The following ZNF836 variants were observed in gnomAD, a reference collection of about 807,000 sequenced individuals.
ZNF836 encodes the protein zinc finger protein 836.
A neutral mutation model predicts 7.4 loss-of-function variants in ZNF836; 12 were observed. The observed-to-expected ratio is 1.61, with a 90% confidence interval of 1.03 to 2.61. ZNF836 has a LOEUF of 2.61. Among genes scored for constraint, ZNF836 ranks in the 30% most tolerant of loss-of-function variants. ZNF836 has a pLI of 0.00. For missense variants in ZNF836, 998 were observed against 1,126.2 expected, an observed-to-expected ratio of 0.89 and a Z score of 1.63; for synonymous variants, 365 against 382.6, an observed-to-expected ratio of 0.95 and a Z score of 0.54.
chr19:52,157,495 T>C lies in ZNF836; in HGVS notation c.188A>G (p.Asn63Ser). The C allele has an allele frequency of 1.9e-6, 3 of 1,567,488 alleles. No homozygotes were observed. Among genetic ancestry groups the C allele is most frequent in the Non-Finnish European group, 2.6e-6 (3 of 1,162,356 alleles). The change falls in exon 5 of 5, where the codon AAC becomes AGC. Residue 63 changes from asparagine to serine, a missense_variant. Transcript: ENST00000682614. ...CMTKELPPIG[N>S]SNTGEKCQTV... Reference sequence around the variant, plus strand: ...TTGGCATTTTTCTCCTGTATTACTGTTCCCTATTGGTGGTAATTCCTTGGT... The same window carrying C: ...TTGGCATTTTTCTCCTGTATTACTGCTCCCTATTGGTGGTAATTCCTTGGT...
rs933329843 is a variant in ZNF836 at position 52,155,934 on chromosome 19, T to C, written c.1749A>G (p.Gln583=). ...KRIHTGEKPF[Q]CNECGTVFRN... ...TGAAGACTGTGCCACATTCATTACA[T>C]TGGAAAGGTTTCTCTCCCGTATGTA... Residue 583 remains glutamine, a synonymous_variant, in exon 5 of 5, where the codon CAA becomes CAG. Coordinates refer to ENST00000682614, the MANE Select transcript of ZNF836 (RefSeq NM_001102657.3). 6.1e-5 allele frequency: 98 copies of C among 1,613,906 alleles called. No individual in the cohort carries two copies. In the East Asian group the frequency reaches 2.1e-3, roughly 34 times the overall value.
In ZNF836 at chr19:52,154,746, T is replaced by G; in HGVS notation, c.*126A>C. 1.2e-5 allele frequency: 10 copies of G among 855,722 alleles called. No individual in the cohort carries two copies. Among genetic ancestry groups the G allele is most frequent in the African/African-American group, 1.7e-5 (1 of 58,642 alleles). The allele number at this position is 855,722 out of a possible 1,614,324, so 53.0% of individuals were successfully genotyped here. ...AAAGCGGGTGGTGCTAAACCATTCT[T>G]GAGAAATCCACCCCTGTGATCCAAT... On this transcript the variant is annotated 3_prime_UTR_variant, in exon 5 of 5. Transcript: ENST00000682614.
rs2089203569 is a variant in ZNF836 at position 52,160,498 on chromosome 19, T to C, written c.109A>G (p.Met37Val). ...ACCAGGTTCCTGTAGTTCTCCAACA[T>C]CACATCCCAGTACAAAGCTTTCTGC... Reference protein sequence around the residue: ...PVQKALYWDVMLENYRNLVFL... With the variant: ...PVQKALYWDVVLENYRNLVFL... Residue 37 changes from methionine to valine, a missense_variant, in exon 4 of 5, where the codon ATG (methionine) becomes GTG (valine). By Grantham distance (21) the Met-to-Val change is conservative. Transcript: ENST00000682614. 1 of 1,614,162 alleles carries C rather than the reference T, an allele frequency of 6.2e-7. No homozygotes were observed. Among genetic ancestry groups the C allele is most frequent in the African/African-American group, 1.3e-5 (1 of 75,058 alleles).
At chr19:52,157,897 TA>T (rs1418377457) in intron 4 of ZNF836, among the ~76,000 whole-genome samples, 2 of 151,984 alleles carry the variant, frequency 1.3e-5, no homozygotes, top group Non-Finnish European at 2.9e-5. Flanking sequence ...TAACTAGTAT[TA>T]TTTGTTTTTT....
Position 52,155,753 on chromosome 19 carries a change from C to T in ZNF836, c.1930G>A (p.Gly644Ser), listed in dbSNP as rs116128824. 54 of 1,614,120 alleles carry T rather than the reference C, an allele frequency of 3.3e-5. No homozygotes were observed. Among genetic ancestry groups the T allele is most frequent in the East Asian group, 6.7e-5 (3 of 44,882 alleles). The change falls in exon 5 of 5, where the codon GGC becomes AGC. Residue 644 changes from glycine to serine, a missense_variant. Coordinates refer to ENST00000682614, the MANE Select transcript of ZNF836 (RefSeq NM_001102657.3). ...GEKPFQCNEC[G>S]KVFSYYSCLA... ...CATGAGTAGTAACTGAAAACCTTGC[C>T]GCATTCGTTACATTGAAACGGCTTC...
intron 3 of ZNF836, 148 bp downstream of exon 3, chr19:52,167,910 G>A: frequency 1.5e-6 from 1 of 683,682 alleles, no homozygotes; most frequent in South Asian, 1.8e-5. Context: ...GAAGCTAAAT[G>A]AGATGAGAGA....
intron 4 of ZNF836, 33 bp from the exon 5 acceptor site, chr19:52,157,573 G>A (rs61641512): frequency 0.096 from 137,628 of 1,435,230 alleles, 8,550 homozygotes; most frequent in South Asian, 0.28. Flanking sequence ...GAGTTTTTTC[G>A]TTGGTTTTTT....
At position 52,161,977 on chromosome 19, in the gene ZNF836, G is replaced by A. The variant is rs1300146877; in HGVS notation, c.16-1386C>T. Among the ~76,000 whole-genome samples the A allele has an allele frequency of 1.3e-5, 2 of 152,198 alleles. No homozygotes were observed. The highest frequency in any genetic ancestry group is 4.8e-5 in the African/African-American group (2 of 41,456). ...AAAAGGGAGAAACAGGAAAGAAGGG[G>A]TAGCTGTTCCCATGTAAGGCTGAAA... On this transcript the variant is annotated intron_variant, in intron 3 of 4. Transcript: ENST00000682614. This position sits in a 1 kb window ranked among gnomAD's most constrained non-coding sequence, Gnocchi z 4.1.
At chr19:52,167,287 C>T (rs1410716828) in intron 3 of ZNF836, among the ~76,000 whole-genome samples, 1 of 151,658 alleles carries the variant, frequency 6.6e-6, no homozygotes, top group Non-Finnish European at 1.5e-5. Flanking sequence ...GCCTGACCAA[C>T]ATGGTGAAAC....
At chr19:52,163,750 T>C (rs911587033) in intron 3 of ZNF836, among the ~76,000 whole-genome samples, 1 of 152,052 alleles carries the variant, frequency 6.6e-6, no homozygotes, top group Non-Finnish European at 1.5e-5. Context: ...CATAAACCAG[T>C]GTGTGCAGTA....
At chr19:52,162,235 T>G (rs1030647625) in intron 3 of ZNF836, among the ~76,000 whole-genome samples, 3 of 152,112 alleles carry the variant, frequency 2.0e-5, no homozygotes. Flanking sequence ...GTGGCCCTGC[T>G]CCCAGGGCTT....
intron 3 of ZNF836, 182 bp from the exon 4 acceptor site, chr19:52,160,773 T>A (rs2089206724): frequency 3.1e-6 from 2 of 649,776 alleles, no homozygotes; most frequent in Non-Finnish European, 2.5e-6. Context: ...TAGAAGATTA[T>A]GATATCCCGT....
rs370077053 is a variant in ZNF836 at position 52,160,538 on chromosome 19, T to C, written c.69A>G (p.Lys23=). Residue 23 remains lysine (K), a synonymous_variant, in exon 4 of 5, where the codon AAA becomes AAG. Coordinates refer to ENST00000682614, the MANE Select transcript of ZNF836 (RefSeq NM_001102657.3). ...AAGCTTTCTGCACAGGGTCCAGGGA[T>C]TTCCACTCCTCCTGAGAGAATTCTA... The part of the protein sequence containing the change: ...VAIEFSQEEW[K]SLDPVQKALY... 4 of 1,613,698 alleles carry C rather than the reference T, an allele frequency of 2.5e-6. No individual in the cohort carries two copies. Among genetic ancestry groups the C allele is most frequent in the Non-Finnish European group, 3.4e-6 (4 of 1,179,928 alleles).
chr19:52,155,488 C>T lies in ZNF836; in HGVS notation c.2195G>A (p.Ser732Asn). ...ATGGTACGTCAGGCCTGTTATATGA[C>T]TAAAAGTTCTACCACAATGGCTACA... is the stretch of plus-strand genomic sequence containing the variant. ...HKCSHCGRTF[S>N]HITGLTYHQR... Residue 732 changes from serine (S) to asparagine (N), a missense_variant, in exon 5 of 5, where the codon AGT becomes AAT. Physicochemically the swap from Ser to Asn is conservative, Grantham distance 46. Transcript: ENST00000682614. 6.2e-7 allele frequency: 1 copy of T among 1,613,952 alleles called. No individual in the cohort carries two copies. Among genetic ancestry groups the T allele is most frequent in the Middle Eastern group, 1.6e-4 (1 of 6,062 alleles).
intron 3 of ZNF836, among the ~76,000 whole-genome samples, chr19:52,164,049 G>A (rs765588438): frequency 1.1e-4 from 15 of 139,214 alleles, no homozygotes; most frequent in African/African-American, 3.2e-4. Flanking sequence ...GGAAGGAAGG[G>A]AGGGAGGGAG....
chr19:52,156,305 G>A lies in ZNF836; in HGVS notation c.1378C>T (p.His460Tyr), dbSNP rs773413384. 2.3e-5 allele frequency: 37 copies of A among 1,614,194 alleles called. No individual in the cohort carries two copies. The highest frequency in any genetic ancestry group is 3.1e-5 in the Non-Finnish European group (36 of 1,180,038). Residue 460 changes from histidine (H) to tyrosine (Y), a missense_variant, in exon 5 of 5, where the codon CAC becomes TAC. Coordinates refer to ENST00000682614, the MANE Select transcript of ZNF836 (RefSeq NM_001102657.3). ...VFSQRSQLAR[H>Y]QRSHTGEKPY... ...TTCTCTCCAGTATGACTTCTCTGGT[G>A]CCTTGCAAGTTGTGAACGTTGACTG...
chr19:52,156,736 T>C lies in ZNF836; in HGVS notation c.947A>G (p.Asn316Ser). 1.2e-6 allele frequency: 2 copies of C among 1,606,964 alleles called. No individual in the cohort carries two copies. Among genetic ancestry groups the C allele is most frequent in the South Asian group, 1.1e-5 (1 of 90,470 alleles). The change falls in exon 5 of 5, where the codon AAC becomes AGC. Residue 316 changes from asparagine (N) to serine (S), a missense_variant. Coordinates refer to ENST00000682614, the MANE Select transcript of ZNF836 (RefSeq NM_001102657.3). ...ECGKSFSQSY[N>S]LAIHQRIHTG... Reference sequence around the variant, plus strand: ...GTGAATTCTCTGATGTATTGCAAGGTTATAACTTTGACTAAAGGACTTGCC... The same window carrying C: ...GTGAATTCTCTGATGTATTGCAAGGCTATAACTTTGACTAAAGGACTTGCC...
Position 52,161,498 on chromosome 19 carries a change from C to T in ZNF836, c.16-907G>A, listed in dbSNP as rs552067856. Among the ~76,000 whole-genome samples, 37 of 152,148 alleles carry T rather than the reference C, an allele frequency of 2.4e-4. No individual in the cohort carries two copies. The South Asian group carries it at 6.6e-3, about 27-fold the overall frequency. ...AGAAAGGGCAAAAAGCAGTGAACTC[C>T]GTAGAATAAGCCTTTTGATATCTCA... On this transcript the variant is annotated intron_variant, in intron 3 of 4. Coordinates refer to ENST00000682614, the MANE Select transcript of ZNF836 (RefSeq NM_001102657.3). This position sits in a 1 kb window ranked among gnomAD's most constrained non-coding sequence, Gnocchi z 4.1.
Position 52,157,215 on chromosome 19 carries a change from T to A in ZNF836, c.468A>T (p.Gln156His), listed in dbSNP as rs1223820556. 2 of 1,611,576 alleles carry A rather than the reference T, an allele frequency of 1.2e-6. No individual in the cohort carries two copies. Among genetic ancestry groups the A allele is most frequent in the Non-Finnish European group, 1.7e-6 (2 of 1,178,510 alleles). Residue 156 changes from glutamine to histidine, a missense_variant, in exon 5 of 5, where the codon CAA (glutamine) becomes CAT (histidine). By Grantham distance (24) the Gln-to-His change is conservative. Coordinates refer to ENST00000682614, the MANE Select transcript of ZNF836 (RefSeq NM_001102657.3). Reference sequence around the variant, plus strand: ...TACACTCATAAATTTTCCCTTCAGTTTGAAATTTCTGCAGTTCAGTCAGAC... The same window carrying A: ...TACACTCATAAATTTTCCCTTCAGTATGAAATTTCTGCAGTTCAGTCAGAC... ...QSRLTELQKF[Q>H]TEGKIYECNQ...
Sources: allele counts gnomAD v4.1 joint callset (sites outside exome capture counted in the v4.1 genomes callset), GRCh38; gene constraint gnomAD v4.1.1; non-coding constraint Gnocchi (gnomAD v3.1); transcripts MANE v1.5; gene names NCBI Gene and HGNC (gene_info 2026-07-23, HGNC 2026-07-21).